The following AVEN variants were observed in gnomAD, a reference collection of about 807,000 sequenced individuals.
AVEN encodes apoptosis and caspase activation inhibitor, also known as cell death regulator Aven.
In AVEN, 41 loss-of-function variants were observed where a neutral mutation model predicts 38.1. That is an observed-to-expected ratio of 1.08 (90% CI 0.84 to 1.40). AVEN has a LOEUF of 1.40. Ranked by LOEUF, AVEN falls within the 40% of genes most tolerant of loss-of-function variation. The pLI, the probability that AVEN is intolerant of heterozygous loss-of-function variation, is 0.00. For missense variants in AVEN, 605 were observed against 438.8 expected, an observed-to-expected ratio of 1.38 and a Z score of -3.38; for synonymous variants, 206 against 171.8, an observed-to-expected ratio of 1.20 and a Z score of -1.56.
At chr15:34,033,448 G>A (rs1443011614) in intron 1 of AVEN, among the ~76,000 whole-genome samples, 5 of 151,802 alleles carry the variant, frequency 3.3e-5, no homozygotes, top group Admixed American at 1.3e-4. Flanking sequence ...GGAGATTGCA[G>A]TGAGCCGAGA....
chr15:34,037,039 G>A (rs956003399), intron 1 of AVEN, among the ~76,000 whole-genome samples: 1 of 151,980 alleles, frequency 6.6e-6, no homozygotes, highest in South Asian at 2.1e-4. Context: ...AACCCGGGAG[G>A]CGGAGGTTGC....
At chr15:33,978,025 G>A (rs1895962146) in intron 2 of AVEN, among the ~76,000 whole-genome samples, 1 of 149,554 alleles carries the variant, frequency 6.7e-6, no homozygotes, top group South Asian at 2.1e-4. Flanking sequence ...AGGGAGGGAG[G>A]GATGGAAGGA....
chr15:33,869,770 T>C (rs541473686), intron 4 of AVEN, among the ~76,000 whole-genome samples: 11 of 152,242 alleles, frequency 7.2e-5, no homozygotes, highest in African/African-American at 1.9e-4. Context: ...CAGAAGGAAG[T>C]TGATAATTTC....
chr15:34,038,887 C>CACGG lies in AVEN; in HGVS notation c.156_159dup (p.Gly54ProfsTer39). 8.8e-7 allele frequency: 1 copy of CACGG among 1,138,784 alleles called. No individual in the cohort carries two copies. Among genetic ancestry groups the CACGG allele is most frequent in the African/African-American group, 1.7e-5 (1 of 60,142 alleles). 70.5% of individuals were successfully genotyped at this position (1,138,784 alleles called of 1,614,324 possible). On this transcript the variant is annotated frameshift_variant, in exon 1 of 6. Transcript: ENST00000306730. LOFTEE classifies it high-confidence loss of function. ...GCGCCGCGGAAGCCCCGGCCACGGC[C>CACGG]ACGGCCCCGGCGTCCGCCTCCGTCC...
chr15:33,863,411 G>T (rs568347239), downstream of AVEN, among the ~76,000 whole-genome samples: 46 of 152,096 alleles, frequency 3.0e-4, no homozygotes, highest in Admixed American at 6.5e-4. Flanking sequence ...AAGATCTGGG[G>T]CTTAGACTCT....
At chr15:33,853,019 C>A in the AVEN span, 2 of 1,594,190 alleles carry the variant, frequency 1.3e-6, no homozygotes, top group Non-Finnish European at 8.6e-7. Flanking sequence ...GAATGAAGAA[C>A]CAACCTTTTT....
intron 1 of AVEN, among the ~76,000 whole-genome samples, chr15:34,028,363 G>A (rs1458524197): frequency 1.3e-5 from 2 of 152,076 alleles, no homozygotes; most frequent in African/African-American, 4.8e-5. Context: ...CCAGGAGTTC[G>A]AGAGCAGCCT....
chr15:34,002,646 G>GA (rs931585594), intron 2 of AVEN, among the ~76,000 whole-genome samples: 1 of 151,292 alleles, frequency 6.6e-6, no homozygotes, highest in Non-Finnish European at 1.5e-5. Context: ...TTAAAAAAAG[G>GA]AAAAAAAAGA....
intron 2 of AVEN, among the ~76,000 whole-genome samples, chr15:33,962,027 A>G (rs939679625): frequency 6.6e-6 from 1 of 152,046 alleles, no homozygotes; most frequent in Non-Finnish European, 1.5e-5. Flanking sequence ...GCTATTTCCA[A>G]CCACACCCCA....
chr15:33,860,446 A>G, intron 11 of AVEN: 1 of 535,248 alleles, frequency 1.9e-6, no homozygotes. Flanking sequence ...GCCAGGATGT[A>G]ACACAAAGAA....
intron 2 of AVEN, among the ~76,000 whole-genome samples, chr15:33,980,181 A>G (rs1008965372): frequency 6.6e-6 from 1 of 152,270 alleles, no homozygotes; most frequent in Non-Finnish European, 1.5e-5. Context: ...AGCTGAAGAC[A>G]CATTAAAGTA....
At chr15:33,961,511 A>G (rs955692981) in intron 2 of AVEN, among the ~76,000 whole-genome samples, 1 of 152,092 alleles carries the variant, frequency 6.6e-6, no homozygotes, top group African/African-American at 2.4e-5. Context: ...CAGCATTCTC[A>G]TCTAGAAAAT....
At chr15:33,955,661 G>A (rs1894926627) in intron 2 of AVEN, among the ~76,000 whole-genome samples, 1 of 152,046 alleles carries the variant, frequency 6.6e-6, no homozygotes, top group Non-Finnish European at 1.5e-5. Context: ...GGGGGGATGG[G>A]AATTAAAAAG....
downstream of AVEN, among the ~76,000 whole-genome samples, chr15:33,857,237 C>T (rs1181310315): frequency 4.0e-5 from 1 of 24,708 alleles, no homozygotes; most frequent in Non-Finnish European, 9.2e-5. Flanking sequence ...AGTCCAGTAT[C>T]ATGGTGCTGG....
intron 1 of AVEN, among the ~76,000 whole-genome samples, chr15:34,019,627 C>A (rs1223424002): frequency 6.6e-6 from 1 of 152,206 alleles, no homozygotes. Context: ...TCATCCTATA[C>A]ACAGTAATTT....
At chr15:33,949,638 T>C (rs542912467) in intron 2 of AVEN, among the ~76,000 whole-genome samples, 1 of 152,268 alleles carries the variant, frequency 6.6e-6, no homozygotes, top group Non-Finnish European at 1.5e-5. Context: ...GGAAACATTG[T>C]AAAATTAGAC....
chr15:33,854,753 C>A, downstream of AVEN: 1 of 1,590,202 alleles, frequency 6.3e-7, no homozygotes, highest in Non-Finnish European at 8.5e-7. Context: ...AGTCTGCTTT[C>A]TTCCATTCCC....
At chr15:33,997,319 CA>C (rs773924650) in intron 2 of AVEN, among the ~76,000 whole-genome samples, 16 of 151,872 alleles carry the variant, frequency 1.1e-4, no homozygotes, top group Non-Finnish European at 2.1e-4. Context: ...TTTTAACCCA[CA>C]AATCAATAAG....
intron 2 of AVEN, among the ~76,000 whole-genome samples, chr15:33,893,700 C>A (rs2153041156): frequency 6.6e-6 from 1 of 152,348 alleles, no homozygotes; most frequent in Admixed American, 6.5e-5. Context: ...AAAGTGAACT[C>A]TACCTGAAGC....
Sources: gnomAD v4.1 joint callset for allele counts (sites outside exome capture counted in the v4.1 genomes callset) on GRCh38, gnomAD v4.1.1 for gene constraint, MANE v1.5 for transcripts, NCBI Gene and HGNC (gene_info 2026-07-23, HGNC 2026-07-21) for gene names.